NLK: variants seen among roughly 807,000 people sequenced by gnomAD.
The protein encoded by NLK is serine/threonine-protein kinase NLK.
NLK carries 11 observed loss-of-function variants against 59.0 expected under a neutral mutation model. The observed-to-expected ratio is 0.19, with a 90% CI of 0.12 to 0.31. The LOEUF is 0.31. Among genes scored for constraint, NLK ranks in the 10% least tolerant of loss-of-function variants. The probability of loss-of-function intolerance (pLI) is 1.00; values close to 1 mark genes in which losing one functional copy is unlikely to be tolerated. For synonymous variants in NLK, 235 were observed against 235.9 expected, an observed-to-expected ratio of 1.00 and a Z score of 0.03; for missense variants, 410 against 661.1, an observed-to-expected ratio of 0.62 and a Z score of 4.16.
chr17:28,175,063 A>G (rs1908619554), intron 7 of NLK, among the ~76,000 whole-genome samples: 1 of 150,460 alleles, frequency 6.6e-6, no homozygotes, highest in South Asian at 2.1e-4. Context: ...TTGGTACATC[A>G]TGACTTTTCT....
intron 1 of NLK, among the ~76,000 whole-genome samples, chr17:28,092,143 T>G (rs972762048): frequency 1.3e-5 from 2 of 152,088 alleles, no homozygotes; most frequent in Admixed American, 6.6e-5. Flanking sequence ...CCATTTCTAA[T>G]GGTAAGAAGT....
intron 1 of NLK, among the ~76,000 whole-genome samples, chr17:28,056,126 G>C (rs181352477): frequency 1.3e-5 from 2 of 152,148 alleles, no homozygotes; most frequent in Admixed American, 6.5e-5. Flanking sequence ...GTATGCGTGG[G>C]TGTGTTTGTA....
chr17:28,066,339 T>G (rs556696968), intron 1 of NLK, among the ~76,000 whole-genome samples: 8 of 152,234 alleles, frequency 5.3e-5, no homozygotes, highest in Non-Finnish European at 1.2e-4. Flanking sequence ...CATTTCTACA[T>G]ATACCATATA....
At chr17:28,103,293 T>C (rs1053044813) in intron 1 of NLK, among the ~76,000 whole-genome samples, 1 of 152,252 alleles carries the variant, frequency 6.6e-6, no homozygotes, top group East Asian at 1.9e-4. Context: ...ATTGATATTA[T>C]GCATTACATG....
At position 28,061,847 on chromosome 17, in the gene NLK, T is replaced by TAA. The variant is rs1435871178; in HGVS notation, c.458+18517_458+18518dup. The stretch of plus-strand genomic sequence containing the variant: ...ATACATATATACATATACATATATA[T>TAA]AATATATAATATATACATATACATA... On this transcript the variant is annotated intron_variant, in intron 1 of 10. Coordinates refer to ENST00000407008, the MANE Select transcript of NLK (RefSeq NM_016231.5). The TAA allele has an allele frequency of 2.8e-5, 4 of 145,004 alleles. No individual in the cohort carries two copies. In the Admixed American group the frequency reaches 2.8e-4, roughly 10 times the overall value. The allele number at this position is 145,004 out of a possible 1,614,324, so 9.0% of individuals were successfully genotyped here. A position where few individuals can be genotyped will look rare whatever the true frequency, so the allele number is the denominator to read the frequency against.
At position 28,043,104 on chromosome 17, in the gene NLK, A is replaced by G. The variant is rs1329712924; in HGVS notation, c.231A>G (p.Ala77=). Residue 77 remains alanine, a synonymous_variant, in exon 1 of 11, where the codon GCA becomes GCG. Coordinates refer to ENST00000407008, the MANE Select transcript of NLK (RefSeq NM_016231.5). Reference sequence around the variant, plus strand: ...CTTCGGCAGCTGCGGCAGCCGCAGCAGCGGCTGCAGCTGCAGCCATGTTAA... The same window carrying G: ...CTTCGGCAGCTGCGGCAGCCGCAGCGGCGGCTGCAGCTGCAGCCATGTTAA... ...HTSSAAAAAA[A]AAAAAAMLNP... 6 of 1,586,580 alleles carry G rather than the reference A, an allele frequency of 3.8e-6. No individual in the cohort carries two copies. Among genetic ancestry groups the G allele is most frequent in the East Asian group, 2.3e-5 (1 of 43,236 alleles).
intron 7 of NLK, among the ~76,000 whole-genome samples, chr17:28,184,839 C>T (rs1397599657): frequency 2.0e-5 from 3 of 152,224 alleles, no homozygotes; most frequent in East Asian, 1.9e-4. Flanking sequence ...CCCAGCTACT[C>T]GGGAGGATGA....
intron 3 of NLK, among the ~76,000 whole-genome samples, chr17:28,136,812 A>G (rs1484358386): frequency 9.2e-5 from 14 of 152,082 alleles, no homozygotes; most frequent in Admixed American, 9.2e-4. Flanking sequence ...CATGTTGACC[A>G]CGCTGGTCTT....
rs1365603979 is a variant in NLK, at chr17:28,079,630, A to G, written c.458+36299A>G. Among the ~76,000 whole-genome samples the G allele has an allele frequency of 2.6e-5, 4 of 152,090 alleles. 1 individual carries two copies. The South Asian group carries it at 6.2e-4, about 24-fold the overall frequency. On this transcript the variant is annotated intron_variant, in intron 1 of 10. Coordinates refer to ENST00000407008, the MANE Select transcript of NLK (RefSeq NM_016231.5). ...TTAGTGAGGTTGAGCATCTTTTCAT[A>G]TGCTTGTTGGCCATTTGTGTATCTT...
chr17:28,109,452 T>C (rs1003117238), intron 1 of NLK, among the ~76,000 whole-genome samples: 6 of 152,228 alleles, frequency 3.9e-5, no homozygotes, highest in Non-Finnish European at 7.3e-5. Flanking sequence ...AGTTAATTTA[T>C]GGTGTTATAC....
intron 3 of NLK, among the ~76,000 whole-genome samples, chr17:28,146,926 G>C (rs1364113400): frequency 6.6e-6 from 1 of 152,098 alleles, no homozygotes; most frequent in Non-Finnish European, 1.5e-5. Flanking sequence ...CAGTAATTAG[G>C]AGTAGGTGAG....
chr17:28,057,112 G>A (rs987210888), intron 1 of NLK, among the ~76,000 whole-genome samples: 7 of 151,670 alleles, frequency 4.6e-5, no homozygotes, highest in African/African-American at 1.2e-4. Flanking sequence ...GCACCACCAC[G>A]CCCGGCTAAT....
chr17:28,094,554 A>G (rs1456045732), intron 1 of NLK, among the ~76,000 whole-genome samples: 1 of 152,214 alleles, frequency 6.6e-6, no homozygotes, highest in African/African-American at 2.4e-5. Context: ...AAAGTCAGTC[A>G]TCAAAAGATT....
intron 3 of NLK, among the ~76,000 whole-genome samples, chr17:28,139,949 T>C (rs1906916545): frequency 6.6e-6 from 1 of 152,152 alleles, no homozygotes; most frequent in Non-Finnish European, 1.5e-5. Flanking sequence ...TGTGGGACTT[T>C]AAAAGGAGAG....
intron 1 of NLK, among the ~76,000 whole-genome samples, chr17:28,070,847 G>A (rs918146940): frequency 2.6e-5 from 4 of 151,896 alleles, no homozygotes; most frequent in Non-Finnish European, 4.4e-5. Flanking sequence ...CACCCTTATT[G>A]AATAGCCTTG....
chr17:28,093,232 G>A (rs147941039), intron 1 of NLK, among the ~76,000 whole-genome samples: 49 of 152,174 alleles, frequency 3.2e-4, no homozygotes, highest in African/African-American at 1.2e-3. Flanking sequence ...TCCTTTCTTT[G>A]AAATATTCTC....
intron 1 of NLK, among the ~76,000 whole-genome samples, chr17:28,108,023 C>A (rs1216606715): frequency 6.6e-6 from 1 of 152,184 alleles, no homozygotes; most frequent in East Asian, 1.9e-4. Context: ...CACTTGAGGT[C>A]AGGAGTTTGA....
At chr17:28,124,251 A>T (rs1906199270) in intron 2 of NLK, among the ~76,000 whole-genome samples, 2 of 152,198 alleles carry the variant, frequency 1.3e-5, no homozygotes, top group African/African-American at 2.4e-5. Flanking sequence ...GAAGCCAGGG[A>T]CAATGGCTGC....
chr17:28,126,933 G>GT (rs1411037765), intron 2 of NLK, among the ~76,000 whole-genome samples: 1 of 152,094 alleles, frequency 6.6e-6, no homozygotes, highest in Non-Finnish European at 1.5e-5. Context: ...GATGATTTAG[G>GT]TTTTTTGGAT....
Sources: allele counts gnomAD v4.1 joint callset (sites outside exome capture counted in the v4.1 genomes callset), GRCh38; gene constraint gnomAD v4.1.1; transcripts MANE v1.5; gene names NCBI Gene and HGNC (gene_info 2026-07-23, HGNC 2026-07-21).